SRGAP2: variants seen among roughly 807,000 people sequenced by gnomAD.
The protein encoded by SRGAP2 is SLIT-ROBO Rho GTPase-activating protein 2.
In SRGAP2, 15 loss-of-function variants were observed where a neutral mutation model predicts 57.2. That is an observed-to-expected ratio of 0.26 (90% CI 0.18 to 0.40). The LOEUF (loss-of-function observed/expected upper bound fraction) is 0.40, where lower values mean the gene tolerates loss of function less well. Among genes scored for constraint, SRGAP2 ranks in the 10% least tolerant of loss-of-function variants. The pLI, the probability that SRGAP2 is intolerant of heterozygous loss-of-function variation, is 1.00. For synonymous variants in SRGAP2, 249 were observed against 248.0 expected (o/e 1.00, Z -0.04); for missense variants, 520 against 669.6 (o/e 0.78, Z 2.47).
At chr1:206,248,291 G>A (rs561117314) in intron 2 of SRGAP2, among the ~76,000 whole-genome samples, 1 of 152,320 alleles carries the variant, frequency 6.6e-6, no homozygotes, top group Non-Finnish European at 1.5e-5. Flanking sequence ...TATTTTAGAT[G>A]GGAGTTGCTG....
intron 13 of SRGAP2, among the ~76,000 whole-genome samples, chr1:206,423,313 T>G (rs577330842): frequency 1.3e-4 from 20 of 152,358 alleles, no homozygotes; most frequent in African/African-American, 4.8e-4. Flanking sequence ...GATGTCTCTC[T>G]ATATTCTTTC....
At chr1:206,231,631 A>G (rs1238349742) in intron 2 of SRGAP2, among the ~76,000 whole-genome samples, 1 of 146,802 alleles carries the variant, frequency 6.8e-6, no homozygotes, top group Non-Finnish European at 1.5e-5. Context: ...TCTGCCTCCC[A>G]GGTTCAAATG....
At position 206,458,896 on chromosome 1, in the gene SRGAP2, G is replaced by C. The variant is rs1553379548; in HGVS notation, c.2781G>C (p.Arg927Ser). Residue 927 changes from arginine to serine, a missense_variant, in exon 22 of 23, where the codon AGG becomes AGC. This residue lies in a region of SRGAP2 where 478 missense variants were observed against 373.6 expected (regional missense o/e 1.28). Transcript: ENST00000573034. ...PQIRKTATAG[R>S]SKSFNNHRPM... is the part of the protein sequence containing the mutation. ...TCCGGAAGACTGCCACAGCGGGAAG[G>C]TCAAAAAGCTTCAATAACCATCGGC... 2.6e-6 allele frequency: 2 copies of C among 779,892 alleles called. No individual in the cohort carries two copies. Among genetic ancestry groups the C allele is most frequent in the Non-Finnish European group, 4.8e-6 (2 of 417,582 alleles). The allele number at this position is 779,892 out of a possible 1,614,324, so 48.3% of individuals were successfully genotyped here.
At chr1:206,313,583 T>A (rs1672831067) in intron 3 of SRGAP2, among the ~76,000 whole-genome samples, 1 of 151,984 alleles carries the variant, frequency 6.6e-6, no homozygotes, top group South Asian at 2.1e-4. Flanking sequence ...GTGGAAGAAG[T>A]GGACAAAGGT....
intron 4 of SRGAP2, among the ~76,000 whole-genome samples, chr1:206,360,098 G>T (rs1184359448): frequency 1.3e-5 from 2 of 152,084 alleles, no homozygotes; most frequent in Non-Finnish European, 2.9e-5. Context: ...GAGCCACCGC[G>T]CCCGGCCGAT....
At chr1:206,312,458 T>C (rs1672728402) in intron 3 of SRGAP2, among the ~76,000 whole-genome samples, 2 of 152,190 alleles carry the variant, frequency 1.3e-5, no homozygotes, top group Admixed American at 1.3e-4. Context: ...GCTGTCAGCC[T>C]TTGGCTTTGC....
chr1:206,435,453 G>A (rs1661644260), intron 14 of SRGAP2, among the ~76,000 whole-genome samples: 1 of 152,248 alleles, frequency 6.6e-6, no homozygotes, highest in Non-Finnish European at 1.5e-5. Context: ...CGGTCCTGAT[G>A]CAATCAGAGA....
intron 21 of SRGAP2, among the ~76,000 whole-genome samples, chr1:206,456,521 ATTAG>A (rs1663847591): frequency 6.6e-6 from 1 of 152,354 alleles, no homozygotes; most frequent in South Asian, 2.1e-4. Flanking sequence ...GAGTTAGATA[ATTAG>A]TTAAGTACAT....
intron 2 of SRGAP2, among the ~76,000 whole-genome samples, chr1:206,295,110 CTCTT>C (rs1325522923): frequency 6.9e-6 from 1 of 144,660 alleles, no homozygotes; most frequent in African/African-American, 2.6e-5. Flanking sequence ...CTTTCTCTCT[CTCTT>C]TCTCCTCTCC....
At chr1:206,268,075 A>G (rs1342452735) in intron 2 of SRGAP2, among the ~76,000 whole-genome samples, 8 of 143,214 alleles carry the variant, frequency 5.6e-5, no homozygotes, top group Non-Finnish European at 1.2e-4. Flanking sequence ...TGGACTATAT[A>G]TATATATTTT....
chr1:206,250,277 C>G (rs1280349059), intron 2 of SRGAP2, among the ~76,000 whole-genome samples: 2 of 151,816 alleles, frequency 1.3e-5, no homozygotes, highest in Admixed American at 6.6e-5. Context: ...GTGAATTACT[C>G]ACAGTCATAA....
At chr1:206,439,851 A>G (rs1662110876) in intron 16 of SRGAP2, 125 bp from the exon 17 acceptor site, 2 of 651,972 alleles carry the variant, frequency 3.1e-6, no homozygotes, top group Non-Finnish European at 5.6e-6. Context: ...TCACTGCACC[A>G]GTGCTGTGCG....
intron 3 of SRGAP2, among the ~76,000 whole-genome samples, chr1:206,307,424 C>G (rs1310428808): frequency 1.1e-4 from 17 of 152,128 alleles, no homozygotes; most frequent in African/African-American, 4.1e-4. Context: ...GCAGGTGGAG[C>G]TGCCTGCCAG....
intron 14 of SRGAP2, among the ~76,000 whole-genome samples, chr1:206,434,189 C>T (rs1553369235): frequency 6.6e-6 from 1 of 152,060 alleles, no homozygotes; most frequent in Admixed American, 6.6e-5. Context: ...TTATAGTCCC[C>T]ATTATATAGA....
At chr1:206,335,604 C>G (rs1553333486) in intron 3 of SRGAP2, among the ~76,000 whole-genome samples, 1 of 152,086 alleles carries the variant, frequency 6.6e-6, no homozygotes, top group Non-Finnish European at 1.5e-5. Flanking sequence ...AGAATAGTGG[C>G]TAGCCCATAA....
chr1:206,420,308 TG>T (rs1660185398), intron 12 of SRGAP2, among the ~76,000 whole-genome samples: 1 of 152,246 alleles, frequency 6.6e-6, no homozygotes, highest in Non-Finnish European at 1.5e-5. Flanking sequence ...CCAGTCTTGA[TG>T]ACTGGAGGGA....
At position 206,401,439 on chromosome 1, in the gene SRGAP2, T is replaced by C; in HGVS notation, c.850T>C (p.Tyr284His). 1 of 695,984 alleles carries C rather than the reference T, an allele frequency of 1.4e-6. No individual in the cohort carries two copies. Among genetic ancestry groups the C allele is most frequent in the Non-Finnish European group, 2.7e-6 (1 of 374,342 alleles). The allele number at this position is 695,984 out of a possible 1,614,324, so 43.1% of individuals were successfully genotyped here. A position where few individuals can be genotyped will look rare whatever the true frequency, so the allele number is the denominator to read the frequency against. Residue 284 changes from tyrosine to histidine, a missense_variant, in exon 8 of 23, where the codon TAC (tyrosine) becomes CAC (histidine). Around this residue, in one of 5 missense-constraint regions of SRGAP2, gnomAD observed 4 missense variants for 33.7 expected, o/e 0.12. Coordinates refer to ENST00000573034, the MANE Select transcript of SRGAP2 (RefSeq NM_015326.5). ...CCCACAGCAGTGTTGTGACTTAGGC[T>C]ACCATGCAAGTCTGAACCGGGCTCT... ...DLIDQCCDLG[Y>H]HASLNRALRT...
intron 12 of SRGAP2, among the ~76,000 whole-genome samples, chr1:206,420,783 C>A (rs1660233318): frequency 6.6e-6 from 1 of 152,190 alleles, no homozygotes; most frequent in Non-Finnish European, 1.5e-5. Context: ...AGATGTTCTA[C>A]ACTCTAAACC....
chr1:206,431,600 A>G (rs1443794455), intron 14 of SRGAP2, among the ~76,000 whole-genome samples: 1 of 152,254 alleles, frequency 6.6e-6, no homozygotes, highest in African/African-American at 2.4e-5. Context: ...TTGAACGAAT[A>G]CATATTAGTT....
Sources: gnomAD v4.1 joint callset for allele counts (sites outside exome capture counted in the v4.1 genomes callset) on GRCh38, gnomAD v4.1.1 for gene constraint, gnomAD v4.1.1 regional missense constraint, MANE v1.5 for transcripts, NCBI Gene and HGNC (gene_info 2026-07-23, HGNC 2026-07-21) for gene names.